The following SLC10A7 variants were observed in gnomAD, a reference collection of about 807,000 sequenced individuals.
The protein encoded by SLC10A7 is solute carrier family 10 member 7.
In SLC10A7, 29 loss-of-function variants were observed where a neutral mutation model predicts 43.2. The ratio of observed to expected loss-of-function variants is 0.67; its 90% CI spans 0.50 to 0.92. SLC10A7 has a LOEUF of 0.92. Ranked by LOEUF, SLC10A7 falls within the 40% of genes least tolerant of loss-of-function variation. The pLI is 0.00. For synonymous variants in SLC10A7, 152 were observed against 144.8 expected (o/e 1.05, Z -0.35); for missense variants, 295 against 403.2 (o/e 0.73, Z 2.30).
intron 4 of SLC10A7, among the ~76,000 whole-genome samples, chr4:146,465,505 A>G (rs202117653): frequency 1.1e-4 from 4 of 37,964 alleles, no homozygotes; most frequent in Non-Finnish European, 1.5e-4. Context: ...AATACTTTTT[A>G]TAACCTTAAA....
intron 4 of SLC10A7, among the ~76,000 whole-genome samples, chr4:146,494,432 A>G (rs1287190348): frequency 1.3e-5 from 2 of 152,224 alleles, no homozygotes; most frequent in African/African-American, 2.4e-5. Context: ...GGCACAGTCA[A>G]ACCCAAAGAT....
At chr4:146,519,099 ATATATAT>A (rs1560991625) in intron 1 of SLC10A7, among the ~76,000 whole-genome samples, 9 of 68,506 alleles carry the variant, frequency 1.3e-4, no homozygotes, top group South Asian at 7.8e-4. Flanking sequence ...ATATATATAT[ATATATAT>A]ATATATAATA....
chr4:146,513,861 A>G (rs1579388437), intron 2 of SLC10A7: 1 of 152,264 alleles, frequency 6.6e-6, no homozygotes, highest in African/African-American at 2.4e-5. Context: ...TTTGAGCCAC[A>G]TAGTCAAATA....
chr4:146,444,721 C>A (rs772732163), intron 4 of SLC10A7, among the ~76,000 whole-genome samples: 1 of 152,116 alleles, frequency 6.6e-6, no homozygotes, highest in African/African-American at 2.4e-5. Flanking sequence ...AGTTGTTTGC[C>A]AACAGTGGTG....
At chr4:146,373,891 G>A (rs1265658406) in intron 5 of SLC10A7, among the ~76,000 whole-genome samples, 2 of 152,164 alleles carry the variant, frequency 1.3e-5, no homozygotes, top group African/African-American at 4.8e-5. Context: ...TGATGGCTAA[G>A]CTAGGGTTCT....
At chr4:146,517,150 A>C in intron 1 of SLC10A7, 30 bp from the exon 2 acceptor site, 1 of 1,551,750 alleles carries the variant, frequency 6.4e-7, no homozygotes, top group Non-Finnish European at 8.8e-7. Flanking sequence ...TTATTGCTAG[A>C]AAAGAATTTC....
chr4:146,387,834 T>A (rs1579059233), intron 5 of SLC10A7, among the ~76,000 whole-genome samples: 1 of 151,854 alleles, frequency 6.6e-6, no homozygotes, highest in East Asian at 1.9e-4. Flanking sequence ...TTATAATACA[T>A]ACCAAAAAAA....
chr4:146,348,560 C>T, intron 5 of SLC10A7, among the ~76,000 whole-genome samples: 1 of 152,222 alleles, frequency 6.6e-6, no homozygotes, highest in African/African-American at 2.4e-5. Context: ...GACTTTATTA[C>T]CTTTCCTGTA....
chr4:146,284,160 G>C (rs902609177), intron 9 of SLC10A7, among the ~76,000 whole-genome samples: 1 of 152,136 alleles, frequency 6.6e-6, no homozygotes, highest in Admixed American at 6.5e-5. Flanking sequence ...TTCCTGTGGA[G>C]TCAGGATATC....
At chr4:146,458,589 C>G (rs760123542) in intron 4 of SLC10A7, among the ~76,000 whole-genome samples, 3 of 151,802 alleles carry the variant, frequency 2.0e-5, no homozygotes, top group Non-Finnish European at 4.4e-5. Flanking sequence ...TAATCAGAAA[C>G]TAAAGTAACT....
intron 5 of SLC10A7, among the ~76,000 whole-genome samples, chr4:146,432,836 A>G (rs1168857963): frequency 1.3e-5 from 2 of 152,074 alleles, no homozygotes; most frequent in Admixed American, 1.3e-4. Context: ...TCAGGAGATC[A>G]AGACCATCCT....
In SLC10A7 at chr4:146,385,135, A is replaced by AT. The variant is rs1218187314; in HGVS notation, c.435+57647dup. 2.6e-5 allele frequency among the ~76,000 whole-genome samples: 4 copies of AT among 151,738 alleles called. No homozygotes were observed. The East Asian group carries it at 5.8e-4, about 22-fold the overall frequency. On this transcript the variant is annotated intron_variant, in intron 5 of 11. Coordinates refer to ENST00000335472, the MANE Select transcript of SLC10A7 (RefSeq NM_001029998.6). ...TACAATCAGTTGCCAAGTCTAGTTGATTTTTTTCCATTTCCTCTGCTAATA... is the reference window on the plus strand; with the variant it reads ...TACAATCAGTTGCCAAGTCTAGTTGATTTTTTTTCCATTTCCTCTGCTAATA...
intron 9 of SLC10A7, among the ~76,000 whole-genome samples, chr4:146,287,494 G>T (rs1347139980): frequency 6.6e-6 from 1 of 152,150 alleles, no homozygotes; most frequent in East Asian, 1.9e-4. Flanking sequence ...GCAAGCAGAG[G>T]CAAGTTATGT....
At chr4:146,286,556 G>C (rs1366528258) in intron 9 of SLC10A7, among the ~76,000 whole-genome samples, 48 of 150,700 alleles carry the variant, frequency 3.2e-4, no homozygotes, top group South Asian at 1.3e-3. Context: ...GAGAAGGACT[G>C]TGTTTCGAGT....
At position 146,335,250 on chromosome 4, in the gene SLC10A7, G is replaced by GAAAAAAAAAA. The variant is rs772547279; in HGVS notation, c.436-9255_436-9254insTTTTTTTTTT. 6.2e-3 allele frequency among the ~76,000 whole-genome samples: 438 copies of GAAAAAAAAAA among 70,544 alleles called. 26 individuals carry two copies. The highest frequency in any genetic ancestry group is 0.025 in the Middle Eastern group (2 of 80). The allele number at this position is 70,544 out of a possible 152,430, so 46.3% of individuals were successfully genotyped here. On this transcript the variant is annotated intron_variant, in intron 5 of 11. Transcript: ENST00000335472. ...TCATTAAAGTGTTGCCACAGATGTT[G>GAAAAAAAAAA]TAAAAAAAAAAAAAAAAAAAAAAAA...
intron 2 of SLC10A7, among the ~76,000 whole-genome samples, chr4:146,515,831 AC>A (rs1231104195): frequency 7.4e-6 from 1 of 134,278 alleles, no homozygotes; most frequent in African/African-American, 2.8e-5. Context: ...AATCACTTGA[AC>A]CCGGGAGGCG....
chr4:146,486,122 G>A (rs1168324423), intron 4 of SLC10A7, among the ~76,000 whole-genome samples: 1 of 152,060 alleles, frequency 6.6e-6, no homozygotes, highest in Admixed American at 6.5e-5. Flanking sequence ...TCTAAACCAA[G>A]GTGAAACATA....
chr4:146,304,996 C>T (rs1731448102), intron 7 of SLC10A7, among the ~76,000 whole-genome samples: 1 of 151,754 alleles, frequency 6.6e-6, no homozygotes, highest in Non-Finnish European at 1.5e-5. Flanking sequence ...ACTAGTTCAA[C>T]CATTGTGGAA....
At chr4:146,403,982 T>A (rs1025097287) in intron 5 of SLC10A7, among the ~76,000 whole-genome samples, 2 of 152,172 alleles carry the variant, frequency 1.3e-5, no homozygotes, top group African/African-American at 4.8e-5. Flanking sequence ...TATTGCTAAA[T>A]TACCAAATAG....
Sources: gnomAD v4.1 joint callset for allele counts (sites outside exome capture counted in the v4.1 genomes callset) on GRCh38, gnomAD v4.1.1 for gene constraint, MANE v1.5 for transcripts, NCBI Gene and HGNC (gene_info 2026-07-23, HGNC 2026-07-21) for gene names.